The following ANKDD1B variants were observed in gnomAD, a reference collection of about 807,000 sequenced individuals.
The protein encoded by ANKDD1B is ankyrin repeat and death domain-containing protein 1B.
A neutral mutation model predicts 59.7 loss-of-function variants in ANKDD1B; 57 were observed. The observed-to-expected ratio is 0.95, with a 90% CI of 0.77 to 1.19. The LOEUF (loss-of-function observed/expected upper bound fraction) is 1.19. Among genes scored for constraint, ANKDD1B ranks in the 50% most tolerant of loss-of-function variants. The pLI is 0.00. For synonymous variants in ANKDD1B, 216 were observed against 239.5 expected, an observed-to-expected ratio of 0.90 and a Z score of 0.91; for missense variants, 602 against 641.9, an observed-to-expected ratio of 0.94 and a Z score of 0.67.
At chr5:75,660,064 C>T (rs896670685) in intron 10 of ANKDD1B, among the ~76,000 whole-genome samples, 2 of 152,102 alleles carry the variant, frequency 1.3e-5, no homozygotes, top group Admixed American at 1.3e-4. Context: ...AATGACTTTA[C>T]ATATGTCTAA....
In ANKDD1B at chr5:75,616,928, TGAC is replaced by T. The variant is rs1236677785; in HGVS notation, c.297+22_297+24del. The T allele has an allele frequency of 2.6e-6, 3 of 1,140,368 alleles. No homozygotes were observed. In the Admixed American group the frequency reaches 6.5e-5, roughly 25 times the overall value. The allele number at this position is 1,140,368 out of a possible 1,614,324, so 70.6% of individuals were successfully genotyped here. On this transcript the variant is annotated intron_variant, in intron 2 of 13. Transcript: ENST00000601380. ...ACAATGTGAGTAGAAGTCATAAATA[TGAC>T]AAGTGACTTCTCCAGTAATGGCTTG... is the stretch of plus-strand genomic sequence containing the variant.
intron 7 of ANKDD1B, among the ~76,000 whole-genome samples, chr5:75,642,066 C>G (rs929373866): frequency 1.3e-5 from 2 of 151,936 alleles, no homozygotes; most frequent in African/African-American, 4.8e-5. Flanking sequence ...AATCATAGAA[C>G]ACTAATTGAA....
At chr5:75,635,990 TG>T (rs1774292093) in intron 7 of ANKDD1B, 108 bp downstream of exon 7, 1 of 597,632 alleles carries the variant, frequency 1.7e-6, no homozygotes, top group African/African-American at 1.9e-5. Context: ...TGCCATGGAG[TG>T]TAAAATGTGA....
Position 75,613,029 on chromosome 5 carries a change from T to C in ANKDD1B, c.193+1202T>C, listed in dbSNP as rs988036866. On this transcript the variant is annotated intron_variant, in intron 1 of 13. Transcript: ENST00000601380. ...AGAACATGTTACATGGAGTGTGTGT[T>C]CCTCTGTGTCAAAGTTGCCAAGAGC... Among the ~76,000 whole-genome samples the C allele has an allele frequency of 7.2e-4, 109 of 152,302 alleles. 1 individual carries two copies. Among genetic ancestry groups the C allele is most frequent in the Admixed American group, 3.3e-4 (5 of 15,294 alleles).
intron 7 of ANKDD1B, among the ~76,000 whole-genome samples, chr5:75,641,449 G>A (rs560401259): frequency 1.6e-4 from 25 of 152,176 alleles, no homozygotes; most frequent in South Asian, 4.1e-4. Flanking sequence ...ACCCCACATC[G>A]CAATTTTACT....
intron 5 of ANKDD1B, among the ~76,000 whole-genome samples, chr5:75,628,111 A>G (rs949155146): frequency 1.3e-5 from 2 of 152,244 alleles, no homozygotes; most frequent in Admixed American, 1.3e-4. Context: ...AGAAAACTAA[A>G]TTGATGAATA....
intron 8 of ANKDD1B, among the ~76,000 whole-genome samples, chr5:75,654,245 T>C (rs575171608): frequency 2.0e-5 from 3 of 152,250 alleles, no homozygotes; most frequent in South Asian, 4.1e-4. Context: ...GTGGTCTCTC[T>C]TCCATCCATC....
chr5:75,649,364 A>G (rs1774759718), intron 7 of ANKDD1B, among the ~76,000 whole-genome samples: 1 of 142,766 alleles, frequency 7.0e-6, no homozygotes, highest in Non-Finnish European at 1.5e-5. Context: ...TTGTTTATAA[A>G]TATGAATATT....
rs1773731851 is a variant in ANKDD1B, at chr5:75,616,913, T to G, written c.297+6T>G. ...ACATTAATGTTGTGAACAATGTGAGTAGAAGTCATAAATATGACAAGTGAC... is the reference window on the plus strand; with the variant it reads ...ACATTAATGTTGTGAACAATGTGAGGAGAAGTCATAAATATGACAAGTGAC... On this transcript the variant is annotated splice_donor_region_variant and intron_variant, in intron 2 of 13. Transcript: ENST00000601380. 1 of 1,384,830 alleles carries G rather than the reference T, an allele frequency of 7.2e-7. No homozygotes were observed. 85.8% of individuals were successfully genotyped at this position (1,384,830 alleles called of 1,614,324 possible). A position where few individuals can be genotyped will look rare whatever the true frequency, so the allele number is the denominator to read the frequency against.
intron 11 of ANKDD1B, among the ~76,000 whole-genome samples, chr5:75,665,846 C>G (rs1040232098): frequency 6.6e-6 from 1 of 152,100 alleles, no homozygotes; most frequent in African/African-American, 2.4e-5. Flanking sequence ...ATTTCCTGCC[C>G]CAGCCTGGAT....
intron 1 of ANKDD1B, among the ~76,000 whole-genome samples, chr5:75,615,265 A>G (rs1238936536): frequency 6.6e-6 from 1 of 152,166 alleles, no homozygotes; most frequent in Non-Finnish European, 1.5e-5. Flanking sequence ...GTGCAGTTTG[A>G]GGGATGATTA....
At chr5:75,642,394 C>T (rs1774496168) in intron 7 of ANKDD1B, among the ~76,000 whole-genome samples, 2 of 149,246 alleles carry the variant, frequency 1.3e-5, no homozygotes, top group South Asian at 4.3e-4. Flanking sequence ...GTGCGCGCAC[C>T]GTGCGCGAGC....
At chr5:75,652,277 T>G (rs566060440) in intron 7 of ANKDD1B, among the ~76,000 whole-genome samples, 16 of 152,316 alleles carry the variant, frequency 1.1e-4, no homozygotes, top group Admixed American at 9.8e-4. Flanking sequence ...CATATGAATT[T>G]TGGGAGGGAC....
At chr5:75,632,363 T>C (rs1156693087) in intron 5 of ANKDD1B, among the ~76,000 whole-genome samples, 1 of 152,248 alleles carries the variant, frequency 6.6e-6, no homozygotes, top group Non-Finnish European at 1.5e-5. Context: ...AGTTTTCAAC[T>C]CTGCTTTTCA....
Position 75,666,998 on chromosome 5 carries a change from G to C in ANKDD1B, c.1393+5G>C. Reference sequence around the variant, plus strand: ...CCATTGAGGAGCAGTGGTCGGGTGAGTACAGACTAGATGATGTGGGCAGGA... The same window carrying C: ...CCATTGAGGAGCAGTGGTCGGGTGACTACAGACTAGATGATGTGGGCAGGA... On this transcript the variant is annotated splice_donor_5th_base_variant and intron_variant, in intron 12 of 13. Coordinates refer to ENST00000601380, the MANE Select transcript of ANKDD1B (RefSeq NM_001276713.2). The C allele has an allele frequency of 6.9e-7, 1 of 1,442,170 alleles. No individual in the cohort carries two copies. The highest frequency in any genetic ancestry group is 2.7e-5 in the Admixed American group (1 of 36,656). The allele number at this position is 1,442,170 out of a possible 1,614,324, so 89.3% of individuals were successfully genotyped here. A position where few individuals can be genotyped will look rare whatever the true frequency, so the allele number is the denominator to read the frequency against.
At chr5:75,642,405 C>A (rs1016366913) in intron 7 of ANKDD1B, among the ~76,000 whole-genome samples, 1 of 148,428 alleles carries the variant, frequency 6.7e-6, no homozygotes, top group Admixed American at 6.7e-5. Context: ...GTGCGCGAGC[C>A]GAAGCAGGGC....
chr5:75,634,570 A>C (rs763182598), intron 5 of ANKDD1B: 8 of 189,980 alleles, frequency 4.2e-5, no homozygotes, highest in Non-Finnish European at 8.9e-5. Flanking sequence ...TATGGAATAA[A>C]TAAAGTTCAT....
At chr5:75,647,903 C>T (rs1774681995) in intron 7 of ANKDD1B, among the ~76,000 whole-genome samples, 1 of 108,006 alleles carries the variant, frequency 9.3e-6, no homozygotes, top group South Asian at 3.2e-4. Flanking sequence ...ACATGTACAC[C>T]ATGGAATACT....
chr5:75,618,870 C>G (rs1191435927), intron 2 of ANKDD1B, among the ~76,000 whole-genome samples: 2 of 152,142 alleles, frequency 1.3e-5, no homozygotes, highest in Non-Finnish European at 2.9e-5. Flanking sequence ...CTCAGCCTCC[C>G]TAGTAGCTGG....
Sources: gnomAD v4.1 joint callset for allele counts (sites outside exome capture counted in the v4.1 genomes callset) on GRCh38, gnomAD v4.1.1 for gene constraint, MANE v1.5 for transcripts, NCBI Gene and HGNC (gene_info 2026-07-23, HGNC 2026-07-21) for gene names.